ADGRL3: variants seen among roughly 807,000 people sequenced by gnomAD.
ADGRL3 encodes adhesion G protein-coupled receptor L3.
ADGRL3 carries 62 observed loss-of-function variants against 153.5 expected under a neutral mutation model. That is an observed-to-expected ratio of 0.40 (90% CI 0.33 to 0.50). The LOEUF (loss-of-function observed/expected upper bound fraction) is 0.50, where lower values mean the gene tolerates loss of function less well. Ranked by LOEUF, ADGRL3 falls within the 20% of genes least tolerant of loss-of-function variation. The pLI is 0.47. For synonymous variants in ADGRL3, 710 were observed against 672.5 expected, an observed-to-expected ratio of 1.06 and a Z score of -0.86; for missense variants, 1,641 against 1,859.4, an observed-to-expected ratio of 0.88 and a Z score of 2.16.
intron 13 of ADGRL3, among the ~76,000 whole-genome samples, chr4:61,933,290 T>C (rs2150125875): frequency 6.6e-6 from 1 of 152,236 alleles, no homozygotes; most frequent in East Asian, 1.9e-4. Context: ...TATTTTTATT[T>C]TTTTGGTTTC....
intron 17 of ADGRL3, among the ~76,000 whole-genome samples, chr4:61,968,740 T>A (rs982675230): frequency 1.3e-5 from 2 of 152,172 alleles, no homozygotes; most frequent in African/African-American, 4.8e-5. Flanking sequence ...TAATATTGTG[T>A]AAAGATGTAC....
chr4:61,692,361 A>G (rs1276669594), intron 6 of ADGRL3, among the ~76,000 whole-genome samples: 1 of 151,900 alleles, frequency 6.6e-6, no homozygotes, highest in Non-Finnish European at 1.5e-5. Context: ...GGAACCCAGA[A>G]TCAAAGTATG....
chr4:61,258,786 G>A (rs542320283), intron 1 of ADGRL3, among the ~76,000 whole-genome samples: 1 of 152,206 alleles, frequency 6.6e-6, no homozygotes, highest in East Asian at 1.9e-4. Context: ...CAATAGATAA[G>A]TTAGCTACCT....
intron 5 of ADGRL3, among the ~76,000 whole-genome samples, chr4:61,592,445 T>G (rs1167777092): frequency 6.6e-6 from 1 of 152,128 alleles, no homozygotes; most frequent in Middle Eastern, 3.2e-3. Flanking sequence ...GAATCCACAT[T>G]CTATGTAATA....
chr4:62,044,878 G>A lies in ADGRL3; in HGVS notation c.3814+329G>A, dbSNP rs139656749. On this transcript the variant is annotated intron_variant, in intron 25 of 26. Transcript: ENST00000683033. ...ATTATGTGGCTGTATAGTCGGCTAA[G>A]CATCATAGAGTTCCACATTGTCTTA... Among the ~76,000 whole-genome samples the A allele has an allele frequency of 5.2e-3, 790 of 152,172 alleles. 6 individuals are homozygous for A. The highest frequency in any genetic ancestry group is 0.018 in the African/African-American group (760 of 41,542).
chr4:61,717,966 G>A (rs1003736511), intron 6 of ADGRL3, among the ~76,000 whole-genome samples: 8 of 152,016 alleles, frequency 5.3e-5, no homozygotes, highest in Non-Finnish European at 1.2e-4. Context: ...CCTGGGAGGC[G>A]GAGGTTGCAG....
At chr4:61,677,416 T>A in intron 6 of ADGRL3, 1 of 413,976 alleles carries the variant, frequency 2.4e-6, no homozygotes, top group Non-Finnish European at 4.6e-6. Context: ...AAAATAAAGA[T>A]TAAAAGAACT....
intron 8 of ADGRL3, among the ~76,000 whole-genome samples, chr4:61,762,175 G>A (rs2096920521): frequency 6.6e-6 from 1 of 152,120 alleles, no homozygotes; most frequent in African/African-American, 2.4e-5. Context: ...GGCATATAAT[G>A]TTCTAAGATA....
chr4:61,374,972 C>T (rs2096586505), intron 1 of ADGRL3, among the ~76,000 whole-genome samples: 1 of 151,972 alleles, frequency 6.6e-6, no homozygotes, highest in Non-Finnish European at 1.5e-5. Context: ...CCTCTGAGAA[C>T]ACTTCATTAG....
chr4:61,275,143 A>G (rs147826664), intron 1 of ADGRL3, among the ~76,000 whole-genome samples: 41 of 152,238 alleles, frequency 2.7e-4, no homozygotes, highest in African/African-American at 9.9e-4. Flanking sequence ...GCCCCAAACT[A>G]CATACTGTTC....
intron 4 of ADGRL3, among the ~76,000 whole-genome samples, chr4:61,571,275 G>GGAATAC (rs1248266349): frequency 6.6e-6 from 1 of 151,288 alleles, no homozygotes; most frequent in Non-Finnish European, 1.5e-5. Context: ...AGGAGTTTCA[G>GGAATAC]ACTAGCCTGC....
intron 8 of ADGRL3, among the ~76,000 whole-genome samples, chr4:61,763,751 CAT>C (rs890076926): frequency 3.9e-5 from 6 of 152,016 alleles, no homozygotes; most frequent in Admixed American, 3.3e-4. Context: ...ACACTATATA[CAT>C]ATATATATAA....
chr4:61,721,892 C>A (rs1460249803), intron 6 of ADGRL3, among the ~76,000 whole-genome samples: 2 of 151,914 alleles, frequency 1.3e-5, no homozygotes, highest in African/African-American at 4.8e-5. Flanking sequence ...TGATAGAAAG[C>A]CTGAAAAACA....
intron 3 of ADGRL3, among the ~76,000 whole-genome samples, chr4:61,501,453 A>T (rs1205554382): frequency 6.6e-6 from 1 of 152,142 alleles, no homozygotes; most frequent in Non-Finnish European, 1.5e-5. Flanking sequence ...ACCCCTGAGC[A>T]CTAGGTAAGG....
At chr4:61,280,415 C>CAAG (rs5858689) in intron 1 of ADGRL3, among the ~76,000 whole-genome samples, 147,404 of 151,866 alleles carry the variant, frequency 0.97, 71,699 homozygotes, top group Non-Finnish European at 1. Context: ...CCTTTATTTT[C>CAAG]AAGAAGTATA....
At chr4:61,299,929 C>T (rs2094528419) in intron 1 of ADGRL3, among the ~76,000 whole-genome samples, 1 of 152,068 alleles carries the variant, frequency 6.6e-6, no homozygotes, top group Non-Finnish European at 1.5e-5. Context: ...TTCTGGTTTT[C>T]ACTTACTGTC....
chr4:62,002,201 C>T (rs553999232), intron 21 of ADGRL3, among the ~76,000 whole-genome samples: 1 of 149,818 alleles, frequency 6.7e-6, no homozygotes, highest in African/African-American at 2.5e-5. Flanking sequence ...TCAAAAGAGC[C>T]CATTACTCTT....
At chr4:61,679,281 A>G (rs2095282490) in intron 6 of ADGRL3, among the ~76,000 whole-genome samples, 1 of 151,996 alleles carries the variant, frequency 6.6e-6, no homozygotes, top group African/African-American at 2.4e-5. Flanking sequence ...TTTATGAGGG[A>G]TCTGCCCCCA....
intron 6 of ADGRL3, among the ~76,000 whole-genome samples, chr4:61,717,299 T>C (rs765860071): frequency 6.6e-6 from 1 of 152,030 alleles, no homozygotes; most frequent in Non-Finnish European, 1.5e-5. Context: ...CATTTGAATA[T>C]ATTTTTCAAA....
Sources: gnomAD v4.1 joint callset for allele counts (sites outside exome capture counted in the v4.1 genomes callset) on GRCh38, gnomAD v4.1.1 for gene constraint, MANE v1.5 for transcripts, NCBI Gene and HGNC (gene_info 2026-07-23, HGNC 2026-07-21) for gene names.